COL26A1: variants seen among roughly 807,000 people sequenced by gnomAD.
COL26A1 encodes collagen alpha-1(XXVI) chain.
A neutral mutation model predicts 59.3 loss-of-function variants in COL26A1; 41 were observed. The ratio of observed to expected loss-of-function variants is 0.69; its 90% CI spans 0.54 to 0.90. COL26A1 has a LOEUF of 0.90. Ranked by LOEUF, COL26A1 falls within the 40% of genes least tolerant of loss-of-function variation. The pLI is 0.00. For missense variants in COL26A1, 612 were observed against 602.3 expected (o/e 1.02, Z -0.17); for synonymous variants, 266 against 256.0 (o/e 1.04, Z -0.37).
At chr7:101,551,237 G>GGGGGGC in intron 10 of COL26A1, 94 bp downstream of exon 10, 14 of 386,338 alleles carry the variant, frequency 3.6e-5, no homozygotes, top group Non-Finnish European at 5.0e-5. Context: ...TGGTGGGGGG[G>GGGGGGC]TTCAGCCCTG....
At chr7:101,379,218 G>A (rs985168844) in intron 1 of COL26A1, among the ~76,000 whole-genome samples, 3 of 152,168 alleles carry the variant, frequency 2.0e-5, no homozygotes, top group African/African-American at 4.8e-5. Flanking sequence ...CTGCCGTGAT[G>A]TGATCCTGGC....
chr7:101,504,705 T>G (rs1430317623), intron 3 of COL26A1, among the ~76,000 whole-genome samples: 1 of 152,250 alleles, frequency 6.6e-6, no homozygotes, highest in African/African-American at 2.4e-5. Context: ...TTTTACTTCC[T>G]TGTCGTCCAC....
chr7:101,365,074 A>G (rs759382884), intron 1 of COL26A1, among the ~76,000 whole-genome samples: 8 of 152,338 alleles, frequency 5.3e-5, no homozygotes, highest in Non-Finnish European at 8.8e-5. Flanking sequence ...AGAAAAGCAT[A>G]AAAGTGCCTC....
chr7:101,468,376 AC>A (rs1170016275), intron 3 of COL26A1, among the ~76,000 whole-genome samples: 1 of 152,004 alleles, frequency 6.6e-6, no homozygotes, highest in South Asian at 2.1e-4. Flanking sequence ...GGACTCTCTT[AC>A]CCCCACTATC....
chr7:101,392,637 A>G (rs1760627803), intron 1 of COL26A1, among the ~76,000 whole-genome samples: 2 of 151,920 alleles, frequency 1.3e-5, no homozygotes, highest in South Asian at 4.2e-4. Flanking sequence ...CCTGACCTCG[A>G]GTGATCCACC....
At chr7:101,487,665 C>T (rs912780851) in intron 3 of COL26A1, among the ~76,000 whole-genome samples, 4 of 152,316 alleles carry the variant, frequency 2.6e-5, no homozygotes, top group East Asian at 1.9e-4. Flanking sequence ...CTGAGACCCT[C>T]GGCCACTCTG....
chr7:101,430,796 T>C (rs999553629), intron 2 of COL26A1, among the ~76,000 whole-genome samples: 1 of 151,686 alleles, frequency 6.6e-6, no homozygotes, highest in Non-Finnish European at 1.5e-5. Flanking sequence ...CTGTATGCCT[T>C]TTATTTTATT....
intron 1 of COL26A1, among the ~76,000 whole-genome samples, chr7:101,399,739 G>C (rs940259152): frequency 3.3e-5 from 5 of 152,184 alleles, no homozygotes; most frequent in African/African-American, 1.2e-4. Context: ...GATTACAGGC[G>C]TGAGCCATTG....
intron 1 of COL26A1, among the ~76,000 whole-genome samples, chr7:101,391,913 T>C (rs1791738815): frequency 6.6e-6 from 1 of 150,920 alleles, no homozygotes; most frequent in Non-Finnish European, 1.5e-5. Flanking sequence ...AGATGTGGTC[T>C]TGCTATGTTG....
At chr7:101,414,707 GA>G (rs1235524284) in intron 1 of COL26A1, among the ~76,000 whole-genome samples, 5 of 152,190 alleles carry the variant, frequency 3.3e-5, no homozygotes, top group Non-Finnish European at 7.4e-5. Flanking sequence ...AAAGTGCTGG[GA>G]TTACAGGCAT....
At chr7:101,493,255 G>T (rs114657952) in intron 3 of COL26A1, among the ~76,000 whole-genome samples, 1,558 of 11,920 alleles carry the variant, frequency 0.13, 42 homozygotes, top group African/African-American at 0.31. Context: ...TCCCCACCCC[G>T]CCCACTCTAT....
chr7:101,503,084 T>C (rs1388613191), intron 3 of COL26A1, among the ~76,000 whole-genome samples: 1 of 152,156 alleles, frequency 6.6e-6, no homozygotes, highest in African/African-American at 2.4e-5. Flanking sequence ...GGGCCTCATA[T>C]ACGCAGTTAC....
intron 3 of COL26A1, among the ~76,000 whole-genome samples, chr7:101,509,725 G>C (rs1433137428): frequency 6.6e-6 from 1 of 152,048 alleles, no homozygotes; most frequent in African/African-American, 2.4e-5. Context: ...TTTCAGCACT[G>C]GGGGCTCTTT....
intron 2 of COL26A1, among the ~76,000 whole-genome samples, chr7:101,420,991 T>C (rs914614734): frequency 6.6e-6 from 1 of 152,072 alleles, no homozygotes; most frequent in African/African-American, 2.4e-5. Context: ...CTGGGGCCTC[T>C]ACCCCAAGCA....
Position 101,495,489 on chromosome 7 carries a change from A to G in COL26A1, c.386-37593A>G, listed in dbSNP as rs185490953. On this transcript the variant is annotated intron_variant, in intron 3 of 12. Transcript: ENST00000313669. ...AGTGGCATGATCTCGGCTTACTGCA[A>G]GCTCCGCCTCCCAGGTTCACGCCAT... Among the ~76,000 whole-genome samples the G allele has an allele frequency of 2.4e-3, 357 of 151,790 alleles. 1 individual carries two copies. The highest frequency in any genetic ancestry group is 8.3e-3 in the African/African-American group (343 of 41,408).
At chr7:101,402,651 C>G (rs1325732908) in intron 1 of COL26A1, among the ~76,000 whole-genome samples, 97 of 106,202 alleles carry the variant, frequency 9.1e-4, no homozygotes, top group African/African-American at 3.5e-3. Flanking sequence ...CCCTCCCTTC[C>G]TTCCTTCCTT....
intron 3 of COL26A1, among the ~76,000 whole-genome samples, chr7:101,475,380 AC>A (rs1276361840): frequency 6.6e-6 from 1 of 151,714 alleles, no homozygotes; most frequent in Non-Finnish European, 1.5e-5. Context: ...TTCTTTTATG[AC>A]CCGTGTCAGG....
intron 1 of COL26A1, among the ~76,000 whole-genome samples, chr7:101,391,005 G>T (rs1791716067): frequency 6.6e-6 from 1 of 152,192 alleles, no homozygotes; most frequent in African/African-American, 2.4e-5. Context: ...CTTTGCCTCT[G>T]GCCTGACCTG....
chr7:101,545,389 C>T lies in COL26A1; in HGVS notation c.755C>T (p.Pro252Leu), dbSNP rs377124530. Residue 252 changes from proline to leucine, a missense_variant, in exon 7 of 13, where the codon CCC becomes CTC. Transcript: ENST00000313669. ...PRGLPGEMGR[P>L]GPPGPPGPAG... ...GGGCTTCCTGGAGAGATGGGGCGCC[C>T]CGGCCCCCCAGGACCACCCGGCCCA... 6.3e-7 allele frequency: 1 copy of T among 1,590,534 alleles called. No individual in the cohort carries two copies. Among genetic ancestry groups the T allele is most frequent in the Non-Finnish European group, 8.5e-7 (1 of 1,172,012 alleles).
Sources: allele counts gnomAD v4.1 joint callset (sites outside exome capture counted in the v4.1 genomes callset), GRCh38; gene constraint gnomAD v4.1.1; transcripts MANE v1.5; gene names NCBI Gene and HGNC (gene_info 2026-07-23, HGNC 2026-07-21).